The following ODAD4 variants were observed in gnomAD, a reference collection of about 807,000 sequenced individuals.
ODAD4 encodes outer dynein arm-docking complex subunit 4.
A neutral mutation model predicts 51.8 loss-of-function variants in ODAD4; 49 were observed. The observed-to-expected ratio is 0.95, with a 90% CI of 0.75 to 1.20. The LOEUF is 1.20. Ranked by LOEUF, ODAD4 falls within the 50% of genes most tolerant of loss-of-function variation. The pLI is 0.00. For synonymous variants in ODAD4, 235 were observed against 221.3 expected (o/e 1.06, Z -0.55); for missense variants, 590 against 586.5 (o/e 1.01, Z -0.06).
At chr17:41,951,673 C>T (rs2050654425) in intron 9 of ODAD4, among the ~76,000 whole-genome samples, 1 of 151,094 alleles carries the variant, frequency 6.6e-6, no homozygotes, top group Non-Finnish European at 1.5e-5. Flanking sequence ...CACCTGAGGT[C>T]AGGAGTTTGG....
intron 4 of ODAD4, 50 bp downstream of exon 4, chr17:41,936,584 T>C: frequency 6.4e-7 from 1 of 1,562,884 alleles, no homozygotes; most frequent in Non-Finnish European, 8.8e-7. Context: ...AGAGGCTATG[T>C]GTGCCTGAGA....
chr17:41,935,628 C>T lies in ODAD4; in HGVS notation c.276C>T (p.Tyr92=). 2 of 1,613,138 alleles carry T rather than the reference C, an allele frequency of 1.2e-6. No homozygotes were observed. Among genetic ancestry groups the T allele is most frequent in the Non-Finnish European group, 1.7e-6 (2 of 1,179,534 alleles). Residue 92 remains tyrosine, a synonymous_variant, in exon 3 of 12, where the codon TAC becomes TAT. Coordinates refer to ENST00000377540, the MANE Select transcript of ODAD4 (RefSeq NM_031421.5). ...KGILQKAETL[Y]TMGDFEFALV... ...TTTTGCAAAAGGCTGAGACACTGTACACCATGGGAGACTTTGAGTTTGCCT... is the reference window on the plus strand; with the variant it reads ...TTTTGCAAAAGGCTGAGACACTGTATACCATGGGAGACTTTGAGTTTGCCT...
At chr17:41,936,564 C>T in intron 4 of ODAD4, 30 bp downstream of exon 4, 1 of 1,597,824 alleles carries the variant, frequency 6.3e-7, no homozygotes, top group Non-Finnish European at 8.6e-7. Context: ...GGTTGTATCC[C>T]TCCAAGGGAA....
intron 9 of ODAD4, among the ~76,000 whole-genome samples, chr17:41,953,091 C>T (rs750268575): frequency 5.9e-5 from 9 of 151,932 alleles, no homozygotes; most frequent in Non-Finnish European, 1.2e-4. Context: ...GATGGAGTTT[C>T]GCTGTTTCAC....
At chr17:41,939,321 TGC>T in intron 7 of ODAD4, 149 bp downstream of exon 7, 6 of 788,296 alleles carry the variant, frequency 7.6e-6, no homozygotes, top group Non-Finnish European at 1.2e-5. Flanking sequence ...GGGGACCACC[TGC>T]CCAGGACTGA....
chr17:41,936,354 C>A (rs1335296599), intron 3 of ODAD4, 119 bp from the exon 4 acceptor site: 28 of 727,830 alleles, frequency 3.8e-5, no homozygotes, highest in Non-Finnish European at 5.8e-5. Flanking sequence ...GGCTTAGGGC[C>A]AGCTTTGCCA....
At chr17:41,936,431 G>A in intron 3 of ODAD4, 42 bp from the exon 4 acceptor site, 1 of 1,446,062 alleles carries the variant, frequency 6.9e-7, no homozygotes. Flanking sequence ...AGTCATGCCT[G>A]GGGGGTCTGG....
At chr17:41,931,268 T>G (rs1411520788) in intron 1 of ODAD4, among the ~76,000 whole-genome samples, 1 of 152,152 alleles carries the variant, frequency 6.6e-6, no homozygotes, top group Non-Finnish European at 1.5e-5. Context: ...GTTTCTATTA[T>G]TCACTGATTT....
chr17:41,938,559 C>T lies in ODAD4; in HGVS notation c.628C>T (p.Leu210=). The change falls in exon 6 of 12, where the codon CTG becomes TTG. Residue 210 remains leucine, a splice_region_variant and synonymous_variant. Transcript: ENST00000377540. ...CTCCTCACACCCCTTCCCCACAGAC[C>T]TGATCAAAGGCACCATGAAGGGCGG... The part of the protein sequence containing the change: ...YLEKLLLDED[L]IKGTMKGGLT... The T allele has an allele frequency of 6.2e-7, 1 of 1,613,656 alleles. No homozygotes were observed. The highest frequency in any genetic ancestry group is 1.1e-5 in the South Asian group (1 of 91,068).
intron 11 of ODAD4, among the ~76,000 whole-genome samples, chr17:41,961,942 C>A (rs9893849): frequency 0.88 from 133,548 of 152,118 alleles, 59,073 homozygotes; most frequent in East Asian, 1. Flanking sequence ...GAGGCTTCGA[C>A]GAGGAAAAAT....
chr17:41,958,577 G>C (rs8066650), intron 10 of ODAD4, among the ~76,000 whole-genome samples: 1 of 149,660 alleles, frequency 6.7e-6, no homozygotes, highest in Non-Finnish European at 1.5e-5. Context: ...CAGGAGAATC[G>C]CTTGAACCCG....
chr17:41,964,544 C>T (rs1300149334), intron 11 of ODAD4, among the ~76,000 whole-genome samples: 1 of 152,248 alleles, frequency 6.6e-6, no homozygotes, highest in Non-Finnish European at 1.5e-5. Context: ...CTGTCAACAC[C>T]AATTTAAAGA....
chr17:41,941,492 G>A (rs926251170), intron 7 of ODAD4, among the ~76,000 whole-genome samples: 6 of 152,158 alleles, frequency 3.9e-5, no homozygotes, highest in Non-Finnish European at 4.4e-5. Flanking sequence ...TAGCCTGAGC[G>A]GTGGCTCACG....
chr17:41,955,672 C>T (rs1468326745), intron 10 of ODAD4, among the ~76,000 whole-genome samples: 1 of 152,140 alleles, frequency 6.6e-6, no homozygotes, highest in Non-Finnish European at 1.5e-5. Context: ...GATCCGCCCG[C>T]CTTGGCCTCT....
intron 7 of ODAD4, among the ~76,000 whole-genome samples, chr17:41,941,761 C>CGTCTCAAAAAAAA (rs2050509617): frequency 1.1e-5 from 1 of 88,690 alleles, no homozygotes; most frequent in African/African-American, 4.0e-5. Flanking sequence ...AGCGAGACTC[C>CGTCTCAAAAAAAA]GTCTCAAAAA....
chr17:41,938,786 G>T lies in ODAD4; in HGVS notation c.850+5G>T, dbSNP rs565356124. The T allele has an allele frequency of 6.8e-6, 11 of 1,612,122 alleles. No homozygotes were observed. The highest frequency in any genetic ancestry group is 9.3e-6 in the Non-Finnish European group (11 of 1,179,328). ...GCCTGGAGGACATTGATATGTGTAG[G>T]TGTTGTTCTCAGAGGGTGGGGCAGG... On this transcript the variant is annotated splice_donor_5th_base_variant and intron_variant, in intron 6 of 11. Transcript: ENST00000377540.
chr17:41,952,104 C>T (rs1340284723), intron 9 of ODAD4, among the ~76,000 whole-genome samples: 3 of 151,728 alleles, frequency 2.0e-5, no homozygotes, highest in African/African-American at 4.8e-5. Context: ...CACAGTGGCC[C>T]ATGCCTGTAA....
chr17:41,955,273 G>T lies in ODAD4; in HGVS notation c.1399G>T (p.Ala467Ser), dbSNP rs2050714258. The T allele has an allele frequency of 2.6e-6, 2 of 780,042 alleles. No homozygotes were observed. The highest frequency in any genetic ancestry group is 3.4e-5 in the African/African-American group (2 of 59,116). 48.3% of individuals were successfully genotyped at this position (780,042 alleles called of 1,614,324 possible). The change falls in exon 10 of 12, where the codon GCA becomes TCA. Residue 467 changes from alanine (A) to serine (S), a missense_variant. Coordinates refer to ENST00000377540, the MANE Select transcript of ODAD4 (RefSeq NM_031421.5). ...VNNFEKALER[A>S]KLVHNNEAQQ... is the part of the protein sequence containing the mutation. ...CAATTTTGAGAAGGCCCTGGAGAGA[G>T]CAAAGCTTGTGCATAACAACGAGGC... is the stretch of plus-strand genomic sequence containing the variant.
Position 41,934,336 on chromosome 17 carries a change from C to T in ODAD4, c.115-881C>T, listed in dbSNP as rs181148393. 7.3e-5 allele frequency among the ~76,000 whole-genome samples: 11 copies of T among 150,836 alleles called. 1 individual carries two copies. The highest frequency in any genetic ancestry group is 7.1e-3 in the Middle Eastern group (2 of 282). ...GATTACAGGTGTGAGCCACTGCACC[C>T]GGCCTCTTTTTGTTTTGTTTTGTTT... On this transcript the variant is annotated intron_variant, in intron 1 of 11. Coordinates refer to ENST00000377540, the MANE Select transcript of ODAD4 (RefSeq NM_031421.5).
Sources: allele counts gnomAD v4.1 joint callset (sites outside exome capture counted in the v4.1 genomes callset), GRCh38; gene constraint gnomAD v4.1.1; transcripts MANE v1.5; gene names NCBI Gene and HGNC (gene_info 2026-07-23, HGNC 2026-07-21).